The following DLEC1 variants were observed in gnomAD, a reference collection of about 807,000 sequenced individuals.
DLEC1 encodes DLEC1 cilia and flagella associated protein, also known as deleted in lung and esophageal cancer protein 1.
DLEC1 carries 146 observed loss-of-function variants against 198.1 expected under a neutral mutation model. That is an observed-to-expected ratio of 0.74 (90% CI 0.64 to 0.85). The LOEUF (loss-of-function observed/expected upper bound fraction) is 0.85, where lower values mean the gene tolerates loss of function less well. Ranked by LOEUF, DLEC1 falls within the 40% of genes least tolerant of loss-of-function variation. The probability of loss-of-function intolerance (pLI) is 0.00; values close to 1 mark genes in which losing one functional copy is unlikely to be tolerated. For missense variants in DLEC1, 2,233 were observed against 2,220.0 expected (o/e 1.01, Z -0.12); for synonymous variants, 897 against 866.8 (o/e 1.03, Z -0.61).
At position 38,117,604 on chromosome 3, in the gene DLEC1, G is replaced by A. The variant is rs1378689718; in HGVS notation, c.4478G>A (p.Cys1493Tyr). Residue 1493 changes from cysteine (C) to tyrosine (Y), a missense_variant, in exon 32 of 37, where the codon TGC becomes TAC. Physicochemically the swap from Cys to Tyr is radical, Grantham distance 194. Coordinates refer to ENST00000308059, the MANE Select transcript of DLEC1 (RefSeq NM_007335.4). ...AGTGACCTCATTCCCGAGCAGCCCT[G>A]CTCTGGGGTGAGTGTGCTGCCACCC... ...QASDLIPEQP[C>Y]SGVLSELVTT... 1 of 1,614,016 alleles carries A rather than the reference G, an allele frequency of 6.2e-7. No homozygotes were observed. Among genetic ancestry groups the A allele is most frequent in the African/African-American group, 1.3e-5 (1 of 74,918 alleles).
In DLEC1 at chr3:38,100,553, T is replaced by C; in HGVS notation, c.2864+128T>C. ...TTGAATCCAGAAAATTAGTATTCTA[T>C]AAAATTTGTAAATTACAGAAAAGAA... On this transcript the variant is annotated intron_variant, in intron 19 of 36. Coordinates refer to ENST00000308059, the MANE Select transcript of DLEC1 (RefSeq NM_007335.4). 7 of 1,282,500 alleles carry C rather than the reference T, an allele frequency of 5.5e-6. 1 individual carries two copies. The South Asian group carries it at 1.5e-4, about 28-fold the overall frequency. The allele number at this position is 1,282,500 out of a possible 1,614,324, so 79.4% of individuals were successfully genotyped here.
At chr3:38,052,434 T>G (rs1387750669) in intron 2 of DLEC1, 1 of 195,418 alleles carries the variant, frequency 5.1e-6, no homozygotes, top group Non-Finnish European at 1.1e-5. Flanking sequence ...GCAAGGGAAA[T>G]CTCCCAACAG....
chr3:38,063,984 T>C, intron 6 of DLEC1, 65 bp downstream of exon 6: 3 of 1,163,026 alleles, frequency 2.6e-6, no homozygotes, highest in Non-Finnish European at 1.2e-6. Flanking sequence ...AAGTCTTTAT[T>C]ATGGAAATTT....
In DLEC1 at chr3:38,084,187, G is replaced by C. The variant is rs774794193; in HGVS notation, c.1203G>C (p.Thr401=). ...TAATTGCGCTGCAGAACACCACCAC[G>C]ACCAGCCGCTACCTGCGAGTCCTCC... is the stretch of plus-strand genomic sequence containing the variant. ...EMVIALQNTT[T]TSRYLRVLPP... The change falls in exon 7 of 37, where the codon ACG becomes ACC. Residue 401 remains threonine (T), a synonymous_variant. Coordinates refer to ENST00000308059, the MANE Select transcript of DLEC1 (RefSeq NM_007335.4). The C allele has an allele frequency of 1.9e-6, 3 of 1,613,042 alleles. No individual in the cohort carries two copies. Among genetic ancestry groups the C allele is most frequent in the Middle Eastern group, 1.7e-4 (1 of 6,054 alleles).
At chr3:38,109,845 C>A in intron 22 of DLEC1, 2 of 688,510 alleles carry the variant, frequency 2.9e-6, no homozygotes, top group Non-Finnish European at 4.8e-6. Flanking sequence ...GGCTTGCCCA[C>A]ATGAGGCCCA....
chr3:38,075,177 G>A (rs1697539990), intron 6 of DLEC1, among the ~76,000 whole-genome samples: 1 of 152,118 alleles, frequency 6.6e-6, no homozygotes, highest in Non-Finnish European at 1.5e-5. Flanking sequence ...TGGGACTGAG[G>A]GGGCAGGCGG....
At position 38,084,392 on chromosome 3, in the gene DLEC1, A is replaced by AGTAGTAGTGGTGGTGGTAGTAGTAGTG. The variant is rs1698260822; in HGVS notation, c.1261+155_1261+156insGGTGGTGGTAGTAGTAGTGGTAGTAGT. On this transcript the variant is annotated intron_variant, in intron 7 of 36. Coordinates refer to ENST00000308059, the MANE Select transcript of DLEC1 (RefSeq NM_007335.4). ...TAGTAGTGATGGTGGTAGTAGTGGTAGTAGTAGTAGTGGTGGTGGTAGTAG... is the reference window on the plus strand; with the variant it reads ...TAGTAGTGATGGTGGTAGTAGTGGTAGTAGTAGTGGTGGTGGTAGTAGTAGTGGTAGTAGTAGTGGTGGTGGTAGTAG... 2.1e-5 allele frequency: 6 copies of AGTAGTAGTGGTGGTGGTAGTAGTAGTG among 289,272 alleles called. No individual in the cohort carries two copies. In the East Asian group the frequency reaches 8.0e-4, roughly 38 times the overall value. The allele number at this position is 289,272 out of a possible 1,614,324, so 17.9% of individuals were successfully genotyped here.
In DLEC1 at chr3:38,117,954, A is replaced by C. The variant is rs1700271234; in HGVS notation, c.4634A>C (p.Lys1545Thr). The C allele has an allele frequency of 4.3e-6, 7 of 1,614,088 alleles. No homozygotes were observed. The East Asian group carries it at 1.6e-4, about 36-fold the overall frequency. ...CACAGAGCTCCTGGCCCTGGCCAGA[A>C]GCAGGAGTGTGAGGAGGAGACAGCC... ...QDHRAPGPGQ[K>T]QECEEETASA... The change falls in exon 33 of 37, where the codon AAG becomes ACG. Residue 1545 changes from lysine to threonine, a missense_variant. Transcript: ENST00000308059.
rs531311269 is a variant in DLEC1, at chr3:38,097,085, G to T, written c.2341-97G>T. 1.3e-4 allele frequency: 158 copies of T among 1,198,416 alleles called. No individual in the cohort carries two copies. In the African/African-American group the frequency reaches 2.1e-3, roughly 16 times the overall value. 74.2% of individuals were successfully genotyped at this position (1,198,416 alleles called of 1,614,324 possible). A position where few individuals can be genotyped will look rare whatever the true frequency, so the allele number is the denominator to read the frequency against. On this transcript the variant is annotated intron_variant, in intron 15 of 36. Coordinates refer to ENST00000308059, the MANE Select transcript of DLEC1 (RefSeq NM_007335.4). ...GGAATTAGCCGGGAAGTGTCATATG[G>T]ACTCTTTACGAGCCCACAATCCTAC...
At chr3:38,064,218 C>T (rs554308488) in intron 6 of DLEC1, among the ~76,000 whole-genome samples, 10 of 151,826 alleles carry the variant, frequency 6.6e-5, no homozygotes, top group Non-Finnish European at 1.5e-4. Context: ...TGACTCTTAA[C>T]GAGCATGCTG....
At chr3:38,056,808 T>C (rs1419884982) in intron 2 of DLEC1, among the ~76,000 whole-genome samples, 1 of 150,522 alleles carries the variant, frequency 6.6e-6, no homozygotes, top group African/African-American at 2.4e-5. Flanking sequence ...GAATTAGGAG[T>C]CAACAAGAAG....
chr3:38,081,886 G>C (rs1575164273), intron 6 of DLEC1, among the ~76,000 whole-genome samples: 1 of 142,368 alleles, frequency 7.0e-6, no homozygotes, highest in Non-Finnish European at 1.6e-5. Context: ...CTGGCCGGGC[G>C]GGGGGCTGAC....
In DLEC1 at chr3:38,112,452, C is replaced by CA. The variant is rs1699939129; in HGVS notation, c.3666+92dup. 6.4e-7 allele frequency: 1 copy of CA among 1,560,838 alleles called. No homozygotes were observed. The highest frequency in any genetic ancestry group is 8.7e-7 in the Non-Finnish European group (1 of 1,144,150). ...TCTCTCCCCTCCAACACCTGGCCCT[C>CA]AGACTCTCAAACCTCACCAGGTTGA... On this transcript the variant is annotated intron_variant, in intron 25 of 36. Transcript: ENST00000308059. This position sits in a 1 kb window ranked among gnomAD's most constrained non-coding sequence, Gnocchi z 4.8.
intron 13 of DLEC1, 71 bp from the exon 14 acceptor site, chr3:38,095,817 T>C (rs1698985062): frequency 1.9e-6 from 3 of 1,590,302 alleles, no homozygotes; most frequent in South Asian, 2.2e-5. Context: ...ATTCCTGCCA[T>C]GCCCCAGCCT....
chr3:38,103,864 TG>T (rs1235537456), intron 19 of DLEC1: 2 of 152,202 alleles, frequency 1.3e-5, no homozygotes, highest in African/African-American at 4.8e-5. Context: ...ATTTACCAGT[TG>T]AGCCCATTAT....
At chr3:38,120,737 C>T (rs1407585535) in intron 34 of DLEC1, 128 bp downstream of exon 34, 1 of 1,309,696 alleles carries the variant, frequency 7.6e-7, no homozygotes, top group African/African-American at 1.5e-5. Flanking sequence ...TGTCCTGGGG[C>T]TCAGTCTCCC....
intron 2 of DLEC1, among the ~76,000 whole-genome samples, chr3:38,054,228 AACAAAC>A (rs931813022): frequency 6.6e-6 from 1 of 151,840 alleles, no homozygotes; most frequent in African/African-American, 2.4e-5. Context: ...AAAACAAACA[AACAAAC>A]AAAAACAAAA....
At chr3:38,062,863 T>A (rs1696770223) in intron 5 of DLEC1, 62 bp downstream of exon 5, 2 of 1,550,230 alleles carry the variant, frequency 1.3e-6, no homozygotes, top group East Asian at 4.5e-5. Flanking sequence ...ACCTAGATGG[T>A]CCTCCGTTTG....
At chr3:38,118,120 G>C in intron 33 of DLEC1, 96 bp downstream of exon 33, 1 of 1,368,302 alleles carries the variant, frequency 7.3e-7, no homozygotes. Context: ...CTTGTACCCA[G>C]ACGCAAACTG....
Sources: gnomAD v4.1 joint callset for allele counts (sites outside exome capture counted in the v4.1 genomes callset) on GRCh38, gnomAD v4.1.1 for gene constraint, Gnocchi (gnomAD v3.1) non-coding constraint, MANE v1.5 for transcripts, NCBI Gene and HGNC (gene_info 2026-07-23, HGNC 2026-07-21) for gene names.